Variants in DLX3 observed in about 807,000 individuals in gnomAD.
The protein encoded by DLX3 is homeobox protein DLX-3.
Under a neutral mutation model 28.0 loss-of-function variants are expected in DLX3, and 9 were observed. The ratio of observed to expected loss-of-function variants is 0.32; its 90% CI spans 0.19 to 0.56. The LOEUF (loss-of-function observed/expected upper bound fraction) is 0.56. Among genes scored for constraint, DLX3 ranks in the 20% least tolerant of loss-of-function variants. The probability of loss-of-function intolerance (pLI) is 0.91; values close to 1 mark genes in which losing one functional copy is unlikely to be tolerated. For missense variants in DLX3, 313 were observed against 378.2 expected, an observed-to-expected ratio of 0.83 and a Z score of 1.43; for synonymous variants, 154 against 167.9, an observed-to-expected ratio of 0.92 and a Z score of 0.64.
intron 2 of DLX3, among the ~76,000 whole-genome samples, chr17:49,992,116 G>C (rs1264555173): frequency 1.3e-5 from 2 of 152,092 alleles, no homozygotes; most frequent in Admixed American, 1.3e-4. Context: ...AACCTCTCTT[G>C]TTCTTGACTT....
chr17:49,993,779 C>T, intron 1 of DLX3, 189 bp from the exon 2 acceptor site: 1 of 444,904 alleles, frequency 2.2e-6, no homozygotes, highest in Non-Finnish European at 3.6e-6. Context: ...TGGCCGCGGC[C>T]CACAACGCGG....
intron 1 of DLX3, 169 bp from the exon 2 acceptor site, chr17:49,993,759 G>C: frequency 1.6e-6 from 1 of 632,378 alleles, no homozygotes; most frequent in Non-Finnish European, 2.4e-6. Flanking sequence ...CGCGGCCCCA[G>C]AGCCAGAACT....
At position 49,991,289 on chromosome 17, in the gene DLX3, T is replaced by A. The variant is rs1315567468; in HGVS notation, c.*228A>T. Reference sequence around the variant, plus strand: ...CCCACTGGGGTGGAATGTCCCCACATCTGGAGGGGTACCCCAGTGTCTAGG... The same window carrying A: ...CCCACTGGGGTGGAATGTCCCCACAACTGGAGGGGTACCCCAGTGTCTAGG... On this transcript the variant is annotated 3_prime_UTR_variant, in exon 3 of 3. Transcript: ENST00000434704. 1.8e-5 allele frequency: 10 copies of A among 548,162 alleles called. No individual in the cohort carries two copies. The highest frequency in any genetic ancestry group is 3.2e-5 in the Non-Finnish European group (10 of 312,516). The allele number at this position is 548,162 out of a possible 1,614,324, so 34.0% of individuals were successfully genotyped here. A position where few individuals can be genotyped will look rare whatever the true frequency, so the allele number is the denominator to read the frequency against.
intron 1 of DLX3, 162 bp from the exon 2 acceptor site, chr17:49,993,752 G>A (rs2144185745): frequency 1.1e-5 from 8 of 703,302 alleles, no homozygotes; most frequent in East Asian, 7.3e-5. Context: ...GGGGAGCCGC[G>A]GCCCCAGAGC....
chr17:49,993,741 G>T (rs376433923), intron 1 of DLX3, 151 bp from the exon 2 acceptor site: 32 of 807,800 alleles, frequency 4.0e-5, no homozygotes, highest in East Asian at 1.7e-4. Context: ...CGCGGCCCAG[G>T]GGGGAGCCGC....
At chr17:49,994,559 C>T (rs868600612) in intron 1 of DLX3, 115 bp downstream of exon 1, 2 of 1,268,686 alleles carry the variant, frequency 1.6e-6, no homozygotes, top group Middle Eastern at 1.8e-4. Context: ...TTCTCTAACT[C>T]CAGACAGTAC....
In DLX3 at chr17:49,994,655, G is replaced by A. The variant is rs1308429635; in HGVS notation, c.325+19C>T. ...CCTTCCAGTGTCTCCCACTGTCCTCGCGACCCCGTGGCCCTCACCTGGGTC... is the reference window on the plus strand; with the variant it reads ...CCTTCCAGTGTCTCCCACTGTCCTCACGACCCCGTGGCCCTCACCTGGGTC... On this transcript the variant is annotated intron_variant, in intron 1 of 2. Coordinates refer to ENST00000434704, the MANE Select transcript of DLX3 (RefSeq NM_005220.3). 1.9e-6 allele frequency: 3 copies of A among 1,613,674 alleles called. No individual in the cohort carries two copies. In the South Asian group the frequency reaches 3.3e-5, roughly 18 times the overall value.
Position 49,991,809 on chromosome 17 carries a change from C to G in DLX3, c.572G>C (p.Gly191Ala), listed in dbSNP as rs779537851. The G allele has an allele frequency of 1.2e-6, 2 of 1,613,982 alleles. No individual in the cohort carries two copies. Among genetic ancestry groups the G allele is most frequent in the Non-Finnish European group, 1.7e-6 (2 of 1,180,018 alleles). ...GGGACTGTGCTCCAGCGGCACCTCCCCGTTCTTGTAGAGTTTCTTGAACTT... is the reference window on the plus strand; with the variant it reads ...GGGACTGTGCTCCAGCGGCACCTCCGCGTTCTTGTAGAGTTTCTTGAACTT... ...RSKFKKLYKN[G>A]EVPLEHSPNN... The change falls in exon 3 of 3, where the codon GGG (glycine) becomes GCG (alanine). Residue 191 changes from glycine (G) to alanine (A), a missense_variant. Physicochemically the swap from Gly to Ala is moderately conservative, Grantham distance 60. Coordinates refer to ENST00000434704, the MANE Select transcript of DLX3 (RefSeq NM_005220.3).
At chr17:49,993,030 T>C (rs1291420939) in intron 2 of DLX3, among the ~76,000 whole-genome samples, 1 of 152,132 alleles carries the variant, frequency 6.6e-6, no homozygotes, top group Non-Finnish European at 1.5e-5. Context: ...CTCCGGTGCA[T>C]GCAGACCCAC....
At position 49,990,059 on chromosome 17, in the gene DLX3, C is replaced by G. The variant is rs1034900148; in HGVS notation, c.*1458G>C. ...TATAAAGATGAGTCCAGTAAGAAAG[C>G]AGAAATGAGAAGGCTGGGAGGGGGT... is the stretch of plus-strand genomic sequence containing the variant. On this transcript the variant is annotated 3_prime_UTR_variant, in exon 3 of 3. Coordinates refer to ENST00000434704, the MANE Select transcript of DLX3 (RefSeq NM_005220.3). 6.6e-6 allele frequency: 1 copy of G among 152,486 alleles called. No homozygotes were observed. Among genetic ancestry groups the G allele is most frequent in the African/African-American group, 2.4e-5 (1 of 41,386 alleles). 9.4% of individuals were successfully genotyped at this position (152,486 alleles called of 1,614,324 possible). A position where few individuals can be genotyped will look rare whatever the true frequency, so the allele number is the denominator to read the frequency against.
rs757014934 is a variant in DLX3, at chr17:49,993,602, G to T, written c.326-12C>A. ...CTCCTTCACCGACACTGCGGGGAACGCACCGGGCGGAAGAGGGGGCGGTTC... is the reference window on the plus strand; with the variant it reads ...CTCCTTCACCGACACTGCGGGGAACTCACCGGGCGGAAGAGGGGGCGGTTC... On this transcript the variant is annotated splice_polypyrimidine_tract_variant and intron_variant, in intron 1 of 2. Transcript: ENST00000434704. 1 of 1,612,220 alleles carries T rather than the reference G, an allele frequency of 6.2e-7. No individual in the cohort carries two copies. Among genetic ancestry groups the T allele is most frequent in the Admixed American group, 1.7e-5 (1 of 59,948 alleles).
At chr17:49,993,291 A>C in intron 2 of DLX3, 109 bp downstream of exon 2, 5 of 1,193,694 alleles carry the variant, frequency 4.2e-6, no homozygotes, top group Non-Finnish European at 5.8e-6. Context: ...CCCAAAGGCA[A>C]GAGTTCCAGG....
Position 49,994,816 on chromosome 17 carries a change from G to A in DLX3, c.183C>T (p.Asn61=), listed in dbSNP as rs776174296. 1 of 1,614,236 alleles carries A rather than the reference G, an allele frequency of 6.2e-7. No individual in the cohort carries two copies. Among genetic ancestry groups the A allele is most frequent in the East Asian group, 2.2e-5 (1 of 44,882 alleles). The change falls in exon 1 of 3, where the codon AAC becomes AAT. Residue 61 remains asparagine (N), a synonymous_variant. Transcript: ENST00000434704. The part of the protein sequence containing the change: ...YSGQPYGQTV[N]PYTYHHQFNL... ...TGAATTGGTGGTGGTAGGTGTAGGG[G>A]TTCACCGTCTGGCCATAGGGCTGGC...
In DLX3 at chr17:49,990,895, A is replaced by G. The variant is rs1425919446; in HGVS notation, c.*622T>C. 1 of 152,810 alleles carries G rather than the reference A, an allele frequency of 6.5e-6. No individual in the cohort carries two copies. The highest frequency in any genetic ancestry group is 1.5e-5 in the Non-Finnish European group (1 of 68,194). 9.5% of individuals were successfully genotyped at this position (152,810 alleles called of 1,614,324 possible). On this transcript the variant is annotated 3_prime_UTR_variant, in exon 3 of 3. Coordinates refer to ENST00000434704, the MANE Select transcript of DLX3 (RefSeq NM_005220.3). ...TCTTTCCTCTAAAGCCACAAATATTAAAAGATTCCCTCACTTAGGGGGTTT... is the reference window on the plus strand; with the variant it reads ...TCTTTCCTCTAAAGCCACAAATATTGAAAGATTCCCTCACTTAGGGGGTTT...
chr17:49,992,094 G>C (rs762791543), intron 2 of DLX3, among the ~76,000 whole-genome samples: 1 of 152,096 alleles, frequency 6.6e-6, no homozygotes. Flanking sequence ...CGTGACCTTG[G>C]GCAAGTTGTT....
Position 49,991,676 on chromosome 17 carries a change from G to T in DLX3, c.705C>A (p.Leu235=), listed in dbSNP as rs1377397530. The T allele has an allele frequency of 6.2e-7, 1 of 1,613,896 alleles. No individual in the cohort carries two copies. Among genetic ancestry groups the T allele is most frequent in the Non-Finnish European group, 8.5e-7 (1 of 1,179,916 alleles). Residue 235 remains leucine (L), a synonymous_variant, in exon 3 of 3, where the codon CTC becomes CTA. Coordinates refer to ENST00000434704, the MANE Select transcript of DLX3 (RefSeq NM_005220.3). The stretch of plus-strand genomic sequence containing the variant: ...GGTAGCTGGGGGAGGCACTGTATGG[G>T]AGCGGCGGGGGCAGCTGACTGCGGG... The part of the protein sequence containing the change: ...APARSQLPPP[L]PYSASPSYLD...
At chr17:49,993,733 C>T in intron 1 of DLX3, 143 bp from the exon 2 acceptor site, 1 of 956,866 alleles carries the variant, frequency 1.0e-6, no homozygotes, top group Non-Finnish European at 1.5e-6. Flanking sequence ...CCGCTGCCCG[C>T]GGCCCAGGGG....
At chr17:49,992,820 G>A (rs371326333) in intron 2 of DLX3, among the ~76,000 whole-genome samples, 1 of 152,160 alleles carries the variant, frequency 6.6e-6, no homozygotes, top group African/African-American at 2.4e-5. Flanking sequence ...TCACTTTTGA[G>A]TCCCCATCTC....
In DLX3 at chr17:49,995,223, C is replaced by G; in HGVS notation, c.-225G>C. On this transcript the variant is annotated 5_prime_UTR_variant, in exon 1 of 3. Transcript: ENST00000434704. ...TCGCGTCCCAAGCCACAATCAAATG[C>G]TGCCAGCTCCGCCCGGCCAGCCGGT... 2 of 614,186 alleles carry G rather than the reference C, an allele frequency of 3.3e-6. No individual in the cohort carries two copies. The highest frequency in any genetic ancestry group is 5.8e-6 in the Non-Finnish European group (2 of 347,616). 38.0% of individuals were successfully genotyped at this position (614,186 alleles called of 1,614,324 possible).
Sources: gnomAD v4.1 joint callset for allele counts (sites outside exome capture counted in the v4.1 genomes callset) on GRCh38, gnomAD v4.1.1 for gene constraint, MANE v1.5 for transcripts, NCBI Gene and HGNC (gene_info 2026-07-23, HGNC 2026-07-21) for gene names.